Variants in NRAP observed in about 807,000 individuals in gnomAD.
NRAP encodes nebulin-related-anchoring protein.
Under a neutral mutation model 225.9 loss-of-function variants are expected in NRAP, and 189 were observed. The ratio of observed to expected loss-of-function variants is 0.84; its 90% confidence interval spans 0.74 to 0.94. The LOEUF (loss-of-function observed/expected upper bound fraction) is 0.94. Among genes scored for constraint, NRAP ranks in the 40% least tolerant of loss-of-function variants. The pLI is 0.00. For synonymous variants in NRAP, 769 were observed against 790.7 expected (o/e 0.97, Z 0.46); for missense variants, 2,176 against 2,168.7 (o/e 1.00, Z -0.07).
chr10:113,597,975 G>T lies in NRAP; in HGVS notation c.4326C>A (p.Ile1442=). 6.2e-7 allele frequency: 1 copy of T among 1,609,012 alleles called. No individual in the cohort carries two copies. The highest frequency in any genetic ancestry group is 8.5e-7 in the Non-Finnish European group (1 of 1,175,462). The part of the protein sequence containing the change: ...MESAKKAGEL[I]SETKYRKKPD... ...GGGGACAGGTTGATGGTACCTCGCTGATGAGTTCTCCAGCCTTCTTTGCAC... is the reference window on the plus strand; with the variant it reads ...GGGGACAGGTTGATGGTACCTCGCTTATGAGTTCTCCAGCCTTCTTTGCAC... Residue 1442 remains isoleucine (I), a synonymous_variant, in exon 36 of 42, where the codon ATC becomes ATA. Coordinates refer to ENST00000359988, the MANE Select transcript of NRAP (RefSeq NM_198060.4).
intron 6 of NRAP, 29 bp from the exon 7 acceptor site, chr10:113,651,936 G>A (rs1203878009): frequency 2.1e-6 from 3 of 1,435,476 alleles, no homozygotes; most frequent in Non-Finnish European, 2.9e-6. Context: ...AGTCAAGGGT[G>A]CACCCACCTC....
intron 9 of NRAP, among the ~76,000 whole-genome samples, chr10:113,648,807 C>T (rs753604620): frequency 6.6e-6 from 1 of 152,080 alleles, no homozygotes; most frequent in African/African-American, 2.4e-5. Flanking sequence ...TCAATCAAAT[C>T]GTCCTACTAA....
intron 21 of NRAP, 62 bp from the exon 22 acceptor site, chr10:113,624,992 C>A (rs1370375873): frequency 2.6e-5 from 25 of 967,308 alleles, no homozygotes; most frequent in Non-Finnish European, 4.0e-5. Context: ...AGGGTGGCAT[C>A]CCTCATGGTG....
intron 39 of NRAP, among the ~76,000 whole-genome samples, chr10:113,591,594 G>A (rs988609011): frequency 1.3e-5 from 2 of 152,234 alleles, no homozygotes; most frequent in African/African-American, 4.8e-5. Flanking sequence ...CTGTTCCCAG[G>A]TGCGCCTCCG....
intron 22 of NRAP, among the ~76,000 whole-genome samples, chr10:113,623,935 C>G (rs954804761): frequency 2.0e-5 from 3 of 152,296 alleles, no homozygotes; most frequent in African/African-American, 7.2e-5. Flanking sequence ...TAACATCGCA[C>G]AACACAGCGA....
intron 29 of NRAP, among the ~76,000 whole-genome samples, chr10:113,613,058 C>T (rs1847428768): frequency 6.6e-6 from 1 of 152,148 alleles, no homozygotes; most frequent in African/African-American, 2.4e-5. Flanking sequence ...GTCTGGGAAA[C>T]TCTGGGAATA....
rs556209052 is a variant in NRAP, at chr10:113,658,846, C to T, written c.256-1272G>A. Among the ~76,000 whole-genome samples, 20 of 146,598 alleles carry T rather than the reference C, an allele frequency of 1.4e-4. No individual in the cohort carries two copies. The South Asian group carries it at 3.9e-3, about 28-fold the overall frequency. ...GCAGTGAGCCGACATCACACCACTGCACTCCAGCCTGGGCAACAGAGTGAG... is the reference window on the plus strand; with the variant it reads ...GCAGTGAGCCGACATCACACCACTGTACTCCAGCCTGGGCAACAGAGTGAG... On this transcript the variant is annotated intron_variant, in intron 3 of 41. Transcript: ENST00000359988.
At position 113,663,851 on chromosome 10, in the gene NRAP, T is replaced by C. The variant is rs752203993; in HGVS notation, c.32A>G (p.Tyr11Cys). Residue 11 changes from tyrosine (Y) to cysteine (C), a missense_variant, in exon 1 of 42, where the codon TAT becomes TGT. Coordinates refer to ENST00000359988, the MANE Select transcript of NRAP (RefSeq NM_198060.4). Reference protein sequence around the residue: MNVQPCSRCGYGVYPAEKISC... With the variant: MNVQPCSRCGCGVYPAEKISC... ...GATCTTCTCGGCAGGATAAACCCCA[T>C]ACCCACACCTAGAACAGGGCTGCAC... The C allele has an allele frequency of 6.2e-7, 1 of 1,613,836 alleles. No homozygotes were observed. The highest frequency in any genetic ancestry group is 1.1e-5 in the South Asian group (1 of 91,068).
chr10:113,633,281 G>T lies in NRAP; in HGVS notation c.1528-93C>A, dbSNP rs1848676906. On this transcript the variant is annotated intron_variant, in intron 15 of 41. Transcript: ENST00000359988. ...CTCTTTCCCCCTTAGACCCATAGTT[G>T]AGAAGGAGTTTCCAGAAAAGGCATT... The T allele has an allele frequency of 4.2e-6, 3 of 709,172 alleles. No homozygotes were observed. In the South Asian group the frequency reaches 4.9e-5, roughly 12 times the overall value. 43.9% of individuals were successfully genotyped at this position (709,172 alleles called of 1,614,324 possible). A position where few individuals can be genotyped will look rare whatever the true frequency, so the allele number is the denominator to read the frequency against.
At chr10:113,650,333 C>G in intron 8 of NRAP, 105 bp downstream of exon 8, 1 of 900,486 alleles carries the variant, frequency 1.1e-6, no homozygotes, top group Non-Finnish European at 1.8e-6. Context: ...AAACTACTCC[C>G]TGGCTTCAGG....
intron 30 of NRAP, among the ~76,000 whole-genome samples, chr10:113,611,283 C>T (rs566213950): frequency 1.3e-5 from 2 of 152,102 alleles, no homozygotes; most frequent in East Asian, 1.9e-4. Context: ...ATTCAGTAAA[C>T]GCTGTACACA....
At chr10:113,628,694 C>G (rs1202605610) in intron 20 of NRAP, among the ~76,000 whole-genome samples, 5 of 152,200 alleles carry the variant, frequency 3.3e-5, no homozygotes, top group Non-Finnish European at 7.3e-5. Context: ...GTAACTGCTA[C>G]TTAAAGTAAA....
intron 35 of NRAP, among the ~76,000 whole-genome samples, chr10:113,603,438 G>A (rs576105667): frequency 4.6e-5 from 7 of 152,070 alleles, no homozygotes; most frequent in Admixed American, 1.3e-4. Flanking sequence ...CCCCCCAAGA[G>A]AGCAGGATGG....
chr10:113,626,282 C>T, intron 20 of NRAP, 137 bp from the exon 21 acceptor site: 3 of 630,732 alleles, frequency 4.8e-6, no homozygotes, highest in Non-Finnish European at 8.3e-6. Flanking sequence ...GTTGTTCCTG[C>T]AGCTTGAACA....
rs543370247 is a variant in NRAP at position 113,607,510 on chromosome 10, C to T, written c.3702+904G>A. Among the ~76,000 whole-genome samples the T allele has an allele frequency of 6.0e-5, 9 of 150,764 alleles. No individual in the cohort carries two copies. In the South Asian group the frequency reaches 1.9e-3, roughly 32 times the overall value. The stretch of plus-strand genomic sequence containing the variant: ...TGCTGAGTTGGCTAACGCCAGAGGC[C>T]ATCAGAGAAGGCACTGTTATCCCAC... On this transcript the variant is annotated intron_variant, in intron 32 of 41. Coordinates refer to ENST00000359988, the MANE Select transcript of NRAP (RefSeq NM_198060.4).
Position 113,662,752 on chromosome 10 carries a change from T to C in NRAP, c.182A>G (p.Asn61Ser). The C allele has an allele frequency of 6.3e-7, 1 of 1,590,942 alleles. No individual in the cohort carries two copies. The change falls in exon 3 of 42, where the codon AAC becomes AGC. Residue 61 changes from asparagine to serine, a missense_variant. By Grantham distance (46) the Asn-to-Ser change is conservative. This residue lies in a region of NRAP where 1,708 missense variants were observed against 1,695.5 expected (regional missense o/e 1.01). Coordinates refer to ENST00000359988, the MANE Select transcript of NRAP (RefSeq NM_198060.4). ...KPYCHAHNPK[N>S]NTFTSVYHTP... ...GTGATAGACACTGGTGAAAGTGTTG[T>C]TCTTAGGGTTATGGCTACAACAAAT...
rs188236579 is a variant in NRAP, at chr10:113,633,256, C to T, written c.1528-68G>A. ...GAAAGAGAACTTTAGGGACCCATAG[C>T]TCTTTCCCCCTTAGACCCATAGTTG... On this transcript the variant is annotated intron_variant, in intron 15 of 41. Transcript: ENST00000359988. The T allele has an allele frequency of 3.5e-4, 307 of 869,742 alleles. No individual in the cohort carries two copies. In the African/African-American group the frequency reaches 4.6e-3, roughly 13 times the overall value. The allele number at this position is 869,742 out of a possible 1,614,324, so 53.9% of individuals were successfully genotyped here.
intron 39 of NRAP, 135 bp downstream of exon 39, chr10:113,592,059 A>C: frequency 2.2e-6 from 1 of 462,966 alleles, no homozygotes. Context: ...TTTCATTTAA[A>C]ATACAGTACA....
At chr10:113,623,982 C>T (rs1037789403) in intron 22 of NRAP, among the ~76,000 whole-genome samples, 2 of 152,188 alleles carry the variant, frequency 1.3e-5, no homozygotes, top group African/African-American at 4.8e-5. Context: ...TCTGTCCACG[C>T]ACCCCACCCT....
Sources: gnomAD v4.1 joint callset for allele counts (sites outside exome capture counted in the v4.1 genomes callset) on GRCh38, gnomAD v4.1.1 for gene constraint, gnomAD v4.1.1 regional missense constraint, MANE v1.5 for transcripts, NCBI Gene and HGNC (gene_info 2026-07-23, HGNC 2026-07-21) for gene names.